The following DCDC2 variants were observed in gnomAD, a reference collection of about 807,000 sequenced individuals.
The protein encoded by DCDC2 is doublecortin domain containing 2.
DCDC2 carries 40 observed loss-of-function variants against 50.2 expected under a neutral mutation model. That is an observed-to-expected ratio of 0.80 (90% CI 0.62 to 1.04). DCDC2 has a LOEUF of 1.04. Among genes scored for constraint, DCDC2 ranks in the 50% least tolerant of loss-of-function variants. The pLI is 0.00. For synonymous variants in DCDC2, 234 were observed against 210.6 expected (o/e 1.11, Z -0.96); for missense variants, 570 against 581.9 (o/e 0.98, Z 0.21).
intron 8 of DCDC2, among the ~76,000 whole-genome samples, chr6:24,180,548 A>T (rs1274846604): frequency 1.3e-5 from 2 of 151,528 alleles, no homozygotes; most frequent in Admixed American, 1.3e-4. Flanking sequence ...TCAGCCTCCC[A>T]AAGTGCTGGG....
At chr6:24,324,881 T>TA (rs111539475) in intron 2 of DCDC2, among the ~76,000 whole-genome samples, 1,629 of 133,920 alleles carry the variant, frequency 0.012, 15 homozygotes, top group South Asian at 0.023. Flanking sequence ...AGAGCTTGTC[T>TA]AAAAAAAAAA....
At position 24,292,679 on chromosome 6, in the gene DCDC2, G is replaced by A. The variant is rs185070585; in HGVS notation, c.558-1601C>T. Among the ~76,000 whole-genome samples the A allele has an allele frequency of 3.3e-4, 51 of 152,342 alleles. 1 individual carries two copies. Among genetic ancestry groups the A allele is most frequent in the Non-Finnish European group, 5.0e-4 (34 of 68,030 alleles). On this transcript the variant is annotated intron_variant, in intron 4 of 9. Coordinates refer to ENST00000378454, the MANE Select transcript of DCDC2 (RefSeq NM_016356.5). ...GCCCAGGAGTTCAAGACCAGCCTGGGCAACATAGTAAGACGCTATCTCAAA... is the reference window on the plus strand; with the variant it reads ...GCCCAGGAGTTCAAGACCAGCCTGGACAACATAGTAAGACGCTATCTCAAA...
intron 7 of DCDC2, among the ~76,000 whole-genome samples, chr6:24,220,870 A>AGAGAAAC (rs1554146303): frequency 3.1e-5 from 4 of 127,116 alleles, no homozygotes; most frequent in Admixed American, 3.0e-4. Flanking sequence ...GACAGAGAGC[A>AGAGAAAC]AGAGAGCGAG....
At position 24,334,602 on chromosome 6, in the gene DCDC2, CAT is replaced by C. The variant is rs143278683; in HGVS notation, c.348+18965_348+18966del. On this transcript the variant is annotated intron_variant, in intron 2 of 9. Coordinates refer to ENST00000378454, the MANE Select transcript of DCDC2 (RefSeq NM_016356.5). ...TTATTTACTATCTGTTTACAGTAAA[CAT>C]GTAACTTAGAGAAAGGGATTCAAAG... is the stretch of plus-strand genomic sequence containing the variant. 4.2e-3 allele frequency among the ~76,000 whole-genome samples: 644 copies of C among 152,264 alleles called. 1 individual carries two copies. Among genetic ancestry groups the C allele is most frequent in the African/African-American group, 0.014 (589 of 41,558 alleles).
chr6:24,362,825 A>G (rs1208745197), upstream of DCDC2, among the ~76,000 whole-genome samples: 1 of 152,210 alleles, frequency 6.6e-6, no homozygotes, highest in East Asian at 1.9e-4. Context: ...TTCTTCACAG[A>G]ACACATTTAA....
intron 2 of DCDC2, among the ~76,000 whole-genome samples, chr6:24,332,782 C>A (rs180959476): frequency 6.6e-6 from 1 of 152,118 alleles, no homozygotes; most frequent in African/African-American, 2.4e-5. Context: ...AGCATGATTA[C>A]TATTCATTAA....
intron 7 of DCDC2, among the ~76,000 whole-genome samples, chr6:24,245,803 A>T (rs1039886405): frequency 5.3e-5 from 8 of 152,236 alleles, no homozygotes; most frequent in African/African-American, 1.9e-4. Context: ...AACAATACTG[A>T]AAGAAAACAA....
At chr6:24,378,046 G>A in the DCDC2 span, among the ~76,000 whole-genome samples, 2 of 152,168 alleles carry the variant, frequency 1.3e-5, no homozygotes, top group Non-Finnish European at 2.9e-5. Context: ...ACCAAAAAGT[G>A]TTATCTCTTA....
At chr6:24,315,843 A>G (rs1003397726) in intron 2 of DCDC2, among the ~76,000 whole-genome samples, 1 of 152,160 alleles carries the variant, frequency 6.6e-6, no homozygotes, top group Non-Finnish European at 1.5e-5. Context: ...TGGAGAAGAG[A>G]CTGCAGAAAG....
At chr6:24,328,446 G>A (rs1759912518) in intron 2 of DCDC2, among the ~76,000 whole-genome samples, 1 of 152,188 alleles carries the variant, frequency 6.6e-6, no homozygotes, top group Non-Finnish European at 1.5e-5. Flanking sequence ...AGGGCACAGG[G>A]GGAGTTTGTA....
At chr6:24,207,147 T>C (rs1761730894) in intron 7 of DCDC2, among the ~76,000 whole-genome samples, 1 of 152,204 alleles carries the variant, frequency 6.6e-6, no homozygotes, top group South Asian at 2.1e-4. Context: ...ATATGCATTT[T>C]AGAAAACTTG....
chr6:24,328,942 T>A (rs1017431841), intron 2 of DCDC2, among the ~76,000 whole-genome samples: 2 of 152,222 alleles, frequency 1.3e-5, no homozygotes, highest in African/African-American at 4.8e-5. Flanking sequence ...TATTTCTTGA[T>A]AACCACAGCT....
At chr6:24,237,720 C>T (rs1407621342) in intron 7 of DCDC2, among the ~76,000 whole-genome samples, 1 of 152,074 alleles carries the variant, frequency 6.6e-6, no homozygotes, top group Admixed American at 6.6e-5. Context: ...ACATATAACC[C>T]CTGGAAAACA....
intron 2 of DCDC2, among the ~76,000 whole-genome samples, chr6:24,336,031 TGCC>T (rs1309989893): frequency 6.6e-6 from 1 of 152,196 alleles, no homozygotes; most frequent in Non-Finnish European, 1.5e-5. Flanking sequence ...GGTATAATCA[TGCC>T]ATCAACAGCA....
chr6:24,278,017 T>A, intron 7 of DCDC2, 32 bp downstream of exon 7: 1 of 1,537,074 alleles, frequency 6.5e-7, no homozygotes, highest in Non-Finnish European at 8.9e-7. Context: ...TAAAATTGTA[T>A]CACAGCCTTA....
intron 2 of DCDC2, among the ~76,000 whole-genome samples, chr6:24,328,436 A>AG (rs561977640): frequency 1.7e-3 from 254 of 152,354 alleles, no homozygotes; most frequent in South Asian, 0.016. Flanking sequence ...TGAATATCTT[A>AG]GGGCACAGGG....
intron 8 of DCDC2, among the ~76,000 whole-genome samples, chr6:24,187,591 A>T (rs75608697): frequency 0.023 from 3,490 of 152,356 alleles, 108 homozygotes; most frequent in African/African-American, 0.075. Context: ...TGATTATAGA[A>T]TAACGGGGAA....
upstream of DCDC2, among the ~76,000 whole-genome samples, chr6:24,359,355 A>ATATATATTATATATTATATATATTT (rs1561789478): frequency 3.0e-4 from 10 of 33,488 alleles, no homozygotes; most frequent in African/African-American, 1.7e-3. Flanking sequence ...TATATATTTT[A>ATATATATTATATATTATATATATTT]TGTATATTAT....
intron 7 of DCDC2, among the ~76,000 whole-genome samples, chr6:24,211,786 C>G (rs114565856): frequency 2.6e-5 from 4 of 152,134 alleles, no homozygotes. Context: ...TTGGTTGTAA[C>G]CCAGTAAGGC....
Sources: allele counts gnomAD v4.1 joint callset (sites outside exome capture counted in the v4.1 genomes callset), GRCh38; gene constraint gnomAD v4.1.1; transcripts MANE v1.5; gene names NCBI Gene and HGNC (gene_info 2026-07-23, HGNC 2026-07-21).